Variants in KCNH7 observed in about 807,000 individuals in gnomAD.
KCNH7 encodes potassium voltage-gated channel subfamily H member 7, also known as voltage-gated inwardly rectifying potassium channel KCNH7.
In KCNH7, 49 loss-of-function variants were observed where a neutral mutation model predicts 120.8. That is an observed-to-expected ratio of 0.41 (90% CI 0.32 to 0.51). The LOEUF (loss-of-function observed/expected upper bound fraction) is 0.51, where lower values mean the gene tolerates loss of function less well. KCNH7 is among the 20% of genes least tolerant of loss of function. The pLI is 0.38. For missense variants in KCNH7, 1,097 were observed against 1,446.6 expected (o/e 0.76, Z 3.92); for synonymous variants, 547 against 516.1 (o/e 1.06, Z -0.81).
intron 2 of KCNH7, among the ~76,000 whole-genome samples, chr2:162,706,090 A>G (rs1441310995): frequency 6.6e-6 from 1 of 152,108 alleles, no homozygotes; most frequent in Non-Finnish European, 1.5e-5. Flanking sequence ...TAAATGTACA[A>G]TCTTTTGTGC....
intron 2 of KCNH7, among the ~76,000 whole-genome samples, chr2:162,665,838 T>C (rs1685114393): frequency 6.6e-6 from 1 of 152,154 alleles, no homozygotes; most frequent in East Asian, 1.9e-4. Context: ...TGCATATTTT[T>C]TCCTCACCAA....
intron 8 of KCNH7, among the ~76,000 whole-genome samples, chr2:162,427,910 T>C (rs765936657): frequency 1.3e-5 from 2 of 151,890 alleles, no homozygotes; most frequent in Non-Finnish European, 2.9e-5. Context: ...TTATGTTCTC[T>C]CTTTTAGTCT....
intron 2 of KCNH7, among the ~76,000 whole-genome samples, chr2:162,729,310 C>G (rs1056731956): frequency 6.6e-6 from 1 of 152,008 alleles, no homozygotes; most frequent in African/African-American, 2.4e-5. Flanking sequence ...GGACTACAGG[C>G]GCCCGACACC....
intron 5 of KCNH7, 92 bp downstream of exon 5, chr2:162,512,562 T>C: frequency 9.3e-7 from 1 of 1,080,710 alleles, no homozygotes; most frequent in Non-Finnish European, 1.4e-6. Context: ...ATGAAGATGT[T>C]GCACTGAACA....
chr2:162,539,902 T>C (rs1407759364), intron 2 of KCNH7, among the ~76,000 whole-genome samples: 6 of 152,256 alleles, frequency 3.9e-5, no homozygotes, highest in African/African-American at 1.4e-4. Flanking sequence ...GAATATATTT[T>C]ATAGAACAGA....
chr2:162,406,379 T>C (rs2105455808), intron 9 of KCNH7, among the ~76,000 whole-genome samples: 1 of 152,080 alleles, frequency 6.6e-6, no homozygotes, highest in Admixed American at 6.6e-5. Context: ...TTTCACTTAG[T>C]ATAGTTGCAG....
intron 6 of KCNH7, among the ~76,000 whole-genome samples, chr2:162,493,369 T>C (rs987319175): frequency 6.6e-6 from 1 of 152,184 alleles, no homozygotes; most frequent in Admixed American, 6.5e-5. Context: ...GAAGGAAAAA[T>C]AAAAGCTATA....
rs895592643 is a variant in KCNH7 at position 162,731,877 on chromosome 2, T to C, written c.307+104660A>G. ...GATATCAATTATATTACTTTCTGTG[T>C]TTGAAATATTTACTAATTACAAAAA... On this transcript the variant is annotated intron_variant, in intron 2 of 15. Coordinates refer to ENST00000332142, the MANE Select transcript of KCNH7 (RefSeq NM_033272.4). 7.9e-4 allele frequency among the ~76,000 whole-genome samples: 121 copies of C among 152,268 alleles called. 1 individual carries two copies. The highest frequency in any genetic ancestry group is 3.4e-3 in the Middle Eastern group (1 of 294).
chr2:162,819,877 T>C (rs1399031780), intron 2 of KCNH7, among the ~76,000 whole-genome samples: 2 of 152,102 alleles, frequency 1.3e-5, no homozygotes, highest in Non-Finnish European at 2.9e-5. Flanking sequence ...ATTTTGTTTA[T>C]TTTGTTTTGG....
chr2:162,671,666 A>C (rs976307225), intron 2 of KCNH7, among the ~76,000 whole-genome samples: 4 of 152,078 alleles, frequency 2.6e-5, no homozygotes, highest in African/African-American at 9.7e-5. Context: ...ACCACTATGC[A>C]ATATATCTAT....
chr2:162,765,533 T>C (rs939604441), intron 2 of KCNH7, among the ~76,000 whole-genome samples: 4 of 152,158 alleles, frequency 2.6e-5, no homozygotes, highest in African/African-American at 9.6e-5. Context: ...TGCATATGTC[T>C]TACTTTGTTG....
chr2:162,427,042 G>T (rs1687886503), intron 8 of KCNH7, among the ~76,000 whole-genome samples: 1 of 151,704 alleles, frequency 6.6e-6, no homozygotes, highest in Non-Finnish European at 1.5e-5. Flanking sequence ...TCTGTTGTGT[G>T]TATCAGTAAT....
Position 162,496,213 on chromosome 2 carries a change from G to A in KCNH7, c.1128+8230C>T, listed in dbSNP as rs936908976. On this transcript the variant is annotated intron_variant, in intron 6 of 15. Transcript: ENST00000332142. Reference sequence around the variant, plus strand: ...TGATTGTCTACTTTCCCCAACAGCCGTTGGGGGTCTCCACTCCTGAAGAAG... The same window carrying A: ...TGATTGTCTACTTTCCCCAACAGCCATTGGGGGTCTCCACTCCTGAAGAAG... Among the ~76,000 whole-genome samples, 8 of 152,112 alleles carry A rather than the reference G, an allele frequency of 5.3e-5. No homozygotes were observed. The South Asian group carries it at 6.2e-4, about 12-fold the overall frequency.
At chr2:162,789,303 G>T (rs1683833948) in intron 2 of KCNH7, among the ~76,000 whole-genome samples, 1 of 151,718 alleles carries the variant, frequency 6.6e-6, no homozygotes, top group Non-Finnish European at 1.5e-5. Flanking sequence ...AATTAATATG[G>T]CCATCATCAT....
chr2:162,717,211 CTAATA>C (rs1239195113), intron 2 of KCNH7, among the ~76,000 whole-genome samples: 6 of 152,018 alleles, frequency 3.9e-5, no homozygotes, highest in Non-Finnish European at 8.8e-5. Flanking sequence ...CTTTCTTCAC[CTAATA>C]TGTCATCTTT....
intron 13 of KCNH7, among the ~76,000 whole-genome samples, chr2:162,384,474 C>T (rs1355842736): frequency 6.6e-6 from 1 of 151,956 alleles, no homozygotes; most frequent in Non-Finnish European, 1.5e-5. Flanking sequence ...TCACGAAAAC[C>T]TCTCACTCTA....
intron 2 of KCNH7, among the ~76,000 whole-genome samples, chr2:162,633,208 A>G (rs1005352074): frequency 2.6e-5 from 4 of 151,752 alleles, no homozygotes; most frequent in Admixed American, 2.6e-4. Context: ...ACATTTTCAC[A>G]TTTGTCTTGT....
intron 2 of KCNH7, among the ~76,000 whole-genome samples, chr2:162,639,802 T>G (rs1440920396): frequency 6.6e-6 from 1 of 152,068 alleles, no homozygotes; most frequent in Non-Finnish European, 1.5e-5. Flanking sequence ...GTAGTACACA[T>G]GATTGATGGC....
chr2:162,819,404 A>G (rs1685023375), intron 2 of KCNH7, among the ~76,000 whole-genome samples: 1 of 152,234 alleles, frequency 6.6e-6, no homozygotes, highest in Non-Finnish European at 1.5e-5. Flanking sequence ...CATAGATGAC[A>G]CAGACAAAAT....
Sources: gnomAD v4.1 joint callset for allele counts (sites outside exome capture counted in the v4.1 genomes callset) on GRCh38, gnomAD v4.1.1 for gene constraint, MANE v1.5 for transcripts, NCBI Gene and HGNC (gene_info 2026-07-23, HGNC 2026-07-21) for gene names.